PTPRD: variants seen among roughly 807,000 people sequenced by gnomAD.
The protein encoded by PTPRD is protein tyrosine phosphatase receptor type D, also known as receptor-type tyrosine-protein phosphatase delta.
Under a neutral mutation model 214.5 loss-of-function variants are expected in PTPRD, and 34 were observed. The observed-to-expected ratio is 0.16, with a 90% CI of 0.12 to 0.21. PTPRD has a LOEUF of 0.21. Among genes scored for constraint, PTPRD ranks in the 10% least tolerant of loss-of-function variants. PTPRD has a pLI of 1.00. For missense variants in PTPRD, 2,545 were observed against 2,398.7 expected (o/e 1.06, Z -1.27); for synonymous variants, 1,128 against 845.7 (o/e 1.33, Z -5.79).
chr9:9,486,871 T>C (rs1428551545), intron 8 of PTPRD, among the ~76,000 whole-genome samples: 1 of 152,144 alleles, frequency 6.6e-6, no homozygotes, highest in African/African-American at 2.4e-5. Flanking sequence ...TCCACCTCTA[T>C]AAAAGTATGG....
chr9:8,423,792 TAC>T (rs779922381), intron 35 of PTPRD, among the ~76,000 whole-genome samples: 18 of 152,158 alleles, frequency 1.2e-4, no homozygotes, highest in Non-Finnish European at 2.1e-4. Context: ...GCTGAGTCTT[TAC>T]ACCTTTAAAT....
chr9:9,752,492 T>C (rs2098530248), intron 6 of PTPRD, among the ~76,000 whole-genome samples: 1 of 151,872 alleles, frequency 6.6e-6, no homozygotes, highest in African/African-American at 2.4e-5. Flanking sequence ...TACTAGTTTC[T>C]TGTAAAAATG....
chr9:9,575,717 C>CAAAAAAAAAAAAAAAAAAAGAAAAAAAA (rs2088328337), intron 7 of PTPRD, among the ~76,000 whole-genome samples: 1 of 33,312 alleles, frequency 3.0e-5, no homozygotes, highest in African/African-American at 1.1e-4. Context: ...AAGACTGTCT[C>CAAAAAAAAAAAAAAAAAAAGAAAAAAAA]AAAAAAAAAA....
At chr9:8,658,173 C>T (rs2096952691) in intron 12 of PTPRD, among the ~76,000 whole-genome samples, 1 of 152,158 alleles carries the variant, frequency 6.6e-6, no homozygotes, top group South Asian at 2.1e-4. Flanking sequence ...TAGCAGTGAA[C>T]ACCCACAGAT....
chr9:10,237,241 C>T (rs1330124568), intron 3 of PTPRD, among the ~76,000 whole-genome samples: 1 of 151,030 alleles, frequency 6.6e-6, no homozygotes, highest in African/African-American at 2.4e-5. Context: ...TAAAGGTGCT[C>T]CAAAAAGAAA....
chr9:9,423,434 C>G (rs921130600), intron 8 of PTPRD, among the ~76,000 whole-genome samples: 2 of 152,142 alleles, frequency 1.3e-5, no homozygotes, highest in Admixed American at 1.3e-4. Context: ...ACTTCTCAGC[C>G]TCAAGGATTT....
At chr9:9,327,560 A>G (rs2040479891) in intron 9 of PTPRD, among the ~76,000 whole-genome samples, 2 of 152,192 alleles carry the variant, frequency 1.3e-5, no homozygotes, top group South Asian at 4.1e-4. Context: ...TTAAACAGCC[A>G]TATCCATGAC....
chr9:9,050,315 G>A (rs796754653), intron 10 of PTPRD, among the ~76,000 whole-genome samples: 4 of 152,262 alleles, frequency 2.6e-5, no homozygotes, highest in African/African-American at 9.6e-5. Flanking sequence ...GAAGATGAAG[G>A]CAGTAAAGTT....
rs145752267 is a variant in PTPRD, at chr9:10,270,374, C to G, written c.-545+70589G>C. Among the ~76,000 whole-genome samples, 200 of 152,170 alleles carry G rather than the reference C, an allele frequency of 1.3e-3. 1 individual carries two copies. Among genetic ancestry groups the G allele is most frequent in the Middle Eastern group, 6.8e-3 (2 of 294 alleles). On this transcript the variant is annotated intron_variant, in intron 3 of 45. Coordinates refer to ENST00000381196, the MANE Select transcript of PTPRD (RefSeq NM_002839.4). The stretch of plus-strand genomic sequence containing the variant: ...TGCATCTCTAGTTAAGGGCAATAGT[C>G]TCAAGTTAAGAAAATATAATTTCAA...
intron 6 of PTPRD, among the ~76,000 whole-genome samples, chr9:9,761,092 C>T (rs771504136): frequency 2.6e-5 from 4 of 152,142 alleles, no homozygotes; most frequent in African/African-American, 9.7e-5. Flanking sequence ...TATAAAAACA[C>T]GTATACAAAT....
At chr9:10,570,169 G>A (rs565650198) in intron 2 of PTPRD, among the ~76,000 whole-genome samples, 42 of 152,112 alleles carry the variant, frequency 2.8e-4, no homozygotes, top group African/African-American at 1.0e-3. Context: ...CAAATCACTG[G>A]ACTTTATGTA....
chr9:8,476,203 A>G (rs140312527), intron 30 of PTPRD, among the ~76,000 whole-genome samples: 3,626 of 152,268 alleles, frequency 0.024, 110 homozygotes, highest in African/African-American at 0.07. Flanking sequence ...TTTTGAGATG[A>G]AACTGTTCCA....
chr9:8,635,307 T>A (rs2154324281), intron 13 of PTPRD, among the ~76,000 whole-genome samples: 1 of 151,794 alleles, frequency 6.6e-6, no homozygotes, highest in South Asian at 2.1e-4. Flanking sequence ...GAAAGCGTGA[T>A]GTCAAACTTC....
chr9:9,442,695 A>G (rs1404311910), intron 8 of PTPRD, among the ~76,000 whole-genome samples: 1 of 152,140 alleles, frequency 6.6e-6, no homozygotes, highest in Non-Finnish European at 1.5e-5. Context: ...GTCTTTCTGA[A>G]GCTGTAAATC....
At chr9:9,388,221 C>T (rs2064568329) in intron 9 of PTPRD, among the ~76,000 whole-genome samples, 1 of 152,070 alleles carries the variant, frequency 6.6e-6, no homozygotes, top group South Asian at 2.1e-4. Flanking sequence ...TTGCTAGGGT[C>T]TTGGGTTTTT....
At chr9:9,808,758 G>A (rs921004693) in intron 5 of PTPRD, among the ~76,000 whole-genome samples, 4 of 151,820 alleles carry the variant, frequency 2.6e-5, no homozygotes, top group Non-Finnish European at 4.4e-5. Flanking sequence ...TTATGACTGG[G>A]GTATTAGTTT....
At chr9:9,829,594 G>A (rs535088670) in intron 5 of PTPRD, among the ~76,000 whole-genome samples, 36 of 151,904 alleles carry the variant, frequency 2.4e-4, no homozygotes, top group South Asian at 1.9e-3. Context: ...TTGATACGCA[G>A]TTAGCCACAA....
At chr9:9,969,133 A>G (rs2094918180) in intron 4 of PTPRD, among the ~76,000 whole-genome samples, 1 of 152,092 alleles carries the variant, frequency 6.6e-6, no homozygotes, top group Non-Finnish European at 1.5e-5. Context: ...AGGAAATAAC[A>G]AAGCTATGAC....
intron 4 of PTPRD, among the ~76,000 whole-genome samples, chr9:9,957,252 A>G (rs1224547546): frequency 6.6e-6 from 1 of 152,168 alleles, no homozygotes; most frequent in Non-Finnish European, 1.5e-5. Context: ...TCTTTTTAAG[A>G]TATCTCATAA....
Sources: gnomAD v4.1 joint callset for allele counts (sites outside exome capture counted in the v4.1 genomes callset) on GRCh38, gnomAD v4.1.1 for gene constraint, MANE v1.5 for transcripts, NCBI Gene and HGNC (gene_info 2026-07-23, HGNC 2026-07-21) for gene names.